The following CCDC91 variants were observed in gnomAD, a reference collection of about 807,000 sequenced individuals.
CCDC91 encodes the protein coiled-coil domain-containing protein 91.
CCDC91 carries 48 observed loss-of-function variants against 63.2 expected under a neutral mutation model. The observed-to-expected ratio is 0.76, with a 90% confidence interval of 0.60 to 0.97. The LOEUF (loss-of-function observed/expected upper bound fraction) is 0.97. Ranked by LOEUF, CCDC91 falls within the 50% of genes least tolerant of loss-of-function variation. The probability of loss-of-function intolerance (pLI) is 0.00; values close to 1 mark genes in which losing one functional copy is unlikely to be tolerated. For synonymous variants in CCDC91, 167 were observed against 165.8 expected (o/e 1.01, Z -0.06); for missense variants, 500 against 494.6 (o/e 1.01, Z -0.10).
chr12:28,400,992 C>T (rs1016487361), intron 8 of CCDC91, among the ~76,000 whole-genome samples: 2 of 152,182 alleles, frequency 1.3e-5, no homozygotes, highest in Non-Finnish European at 2.9e-5. Flanking sequence ...TTAGGAAGTT[C>T]CAAACTTTCC....
chr12:28,310,376 T>C (rs1939195847), intron 6 of CCDC91, among the ~76,000 whole-genome samples: 1 of 152,062 alleles, frequency 6.6e-6, no homozygotes, highest in Non-Finnish European at 1.5e-5. Context: ...TCTGGCATTA[T>C]CATTGTTGTC....
intron 3 of CCDC91, among the ~76,000 whole-genome samples, chr12:28,264,983 G>A (rs1263049379): frequency 6.6e-6 from 1 of 151,928 alleles, no homozygotes; most frequent in Non-Finnish European, 1.5e-5. Flanking sequence ...GAAATGTGTT[G>A]TTAATATTGG....
intron 8 of CCDC91, among the ~76,000 whole-genome samples, chr12:28,446,112 T>A (rs1949486561): frequency 6.6e-6 from 1 of 151,926 alleles, no homozygotes; most frequent in Non-Finnish European, 1.5e-5. Flanking sequence ...AGCAGTGAGG[T>A]CTCCACTATG....
chr12:28,214,140 G>A (rs779896676), intron 1 of CCDC91, among the ~76,000 whole-genome samples: 6 of 152,062 alleles, frequency 3.9e-5, no homozygotes, highest in Non-Finnish European at 5.9e-5. Context: ...CTTTTACCAG[G>A]AAATAAAACA....
At chr12:28,503,336 G>A (rs1938225722) in intron 12 of CCDC91, among the ~76,000 whole-genome samples, 1 of 152,160 alleles carries the variant, frequency 6.6e-6, no homozygotes, top group African/African-American at 2.4e-5. Context: ...ATGAAAAAAT[G>A]CTCACCATCA....
intron 1 of CCDC91, chr12:28,236,204 T>C (rs1216305350): frequency 6.6e-6 from 1 of 152,096 alleles, no homozygotes; most frequent in Non-Finnish European, 1.5e-5. Flanking sequence ...TTTTTTTTAA[T>C]ACAAGTATGA....
chr12:28,363,322 C>T (rs1240240679), intron 7 of CCDC91, among the ~76,000 whole-genome samples: 1 of 152,058 alleles, frequency 6.6e-6, no homozygotes, highest in South Asian at 2.1e-4. Flanking sequence ...TACTCACTGA[C>T]TTGGAGATAT....
intron 12 of CCDC91, among the ~76,000 whole-genome samples, chr12:28,488,417 A>G (rs1297810573): frequency 6.6e-6 from 1 of 151,824 alleles, no homozygotes; most frequent in African/African-American, 2.4e-5. Context: ...TAATGAAAAT[A>G]TCCAAATAAG....
At chr12:28,503,002 C>G (rs1181792415) in intron 12 of CCDC91, among the ~76,000 whole-genome samples, 2 of 151,974 alleles carry the variant, frequency 1.3e-5, no homozygotes, top group Non-Finnish European at 2.9e-5. Context: ...CTAGGCAATA[C>G]CATTCAGGAC....
At chr12:28,444,064 T>C (rs979206298) in intron 8 of CCDC91, among the ~76,000 whole-genome samples, 1 of 152,194 alleles carries the variant, frequency 6.6e-6, no homozygotes, top group Non-Finnish European at 1.5e-5. Flanking sequence ...TAGCCCTGTT[T>C]CTATAGGGTT....
intron 8 of CCDC91, among the ~76,000 whole-genome samples, chr12:28,447,492 A>G (rs548790820): frequency 6.6e-6 from 1 of 151,448 alleles, no homozygotes; most frequent in Non-Finnish European, 1.5e-5. Flanking sequence ...ATTGAAACAC[A>G]TGGGTTTTGA....
At chr12:28,393,046 G>A (rs887033732) in intron 8 of CCDC91, among the ~76,000 whole-genome samples, 4 of 152,170 alleles carry the variant, frequency 2.6e-5, no homozygotes, top group African/African-American at 7.2e-5. Context: ...CTCTGCCCAC[G>A]AGTAGGGATT....
At chr12:28,525,662 T>A (rs1279043706) in intron 12 of CCDC91, among the ~76,000 whole-genome samples, 1 of 152,110 alleles carries the variant, frequency 6.6e-6, no homozygotes, top group Admixed American at 6.6e-5. Context: ...TTGTTGGCTT[T>A]CTGTCTTGAT....
At chr12:28,445,607 T>C (rs532362596) in intron 8 of CCDC91, among the ~76,000 whole-genome samples, 1 of 152,344 alleles carries the variant, frequency 6.6e-6, no homozygotes, top group South Asian at 2.1e-4. Context: ...CTAGCAGTTG[T>C]GTTCTCAAGT....
intron 1 of CCDC91, among the ~76,000 whole-genome samples, chr12:28,194,267 G>C (rs11049428): frequency 0.28 from 41,885 of 151,766 alleles, 5,994 homozygotes; most frequent in Non-Finnish European, 0.31. Context: ...TTCTCTCTCT[G>C]TGTGTGTGTG....
intron 8 of CCDC91, among the ~76,000 whole-genome samples, chr12:28,433,419 T>C (rs149279815): frequency 0.016 from 2,488 of 152,100 alleles, 27 homozygotes; most frequent in South Asian, 0.032. Flanking sequence ...TGTCTAGATA[T>C]AGTTTTTTGC....
chr12:28,391,468 G>T, intron 8 of CCDC91, 57 bp downstream of exon 8: 1 of 1,034,196 alleles, frequency 9.7e-7, no homozygotes, highest in South Asian at 1.3e-5. Context: ...TCTCTCCCCT[G>T]AGAGCTCTAT....
At chr12:28,485,967 A>C (rs562394848) in intron 12 of CCDC91, among the ~76,000 whole-genome samples, 3 of 152,262 alleles carry the variant, frequency 2.0e-5, no homozygotes, top group Admixed American at 2.0e-4. Flanking sequence ...TCTTTTTAAA[A>C]TTGTTTATTT....
intron 12 of CCDC91, among the ~76,000 whole-genome samples, chr12:28,523,680 T>C (rs1940970545): frequency 6.6e-6 from 1 of 152,212 alleles, no homozygotes; most frequent in African/African-American, 2.4e-5. Context: ...CGATGGTCTT[T>C]ACAATTTGGC....
Sources: gnomAD v4.1 joint callset for allele counts (sites outside exome capture counted in the v4.1 genomes callset) on GRCh38, gnomAD v4.1.1 for gene constraint, MANE v1.5 for transcripts, NCBI Gene and HGNC (gene_info 2026-07-23, HGNC 2026-07-21) for gene names.